The following SLC30A8 variants were observed in gnomAD, a reference collection of about 807,000 sequenced individuals.
SLC30A8 encodes the protein proton-coupled zinc antiporter SLC30A8.
A neutral mutation model predicts 36.9 loss-of-function variants in SLC30A8; 27 were observed. The observed-to-expected ratio is 0.73, with a 90% CI of 0.54 to 1.01. The LOEUF is 1.01. Among genes scored for constraint, SLC30A8 ranks in the 50% least tolerant of loss-of-function variants. The pLI, the probability that SLC30A8 is intolerant of heterozygous loss-of-function variation, is 0.00. For synonymous variants in SLC30A8, 164 were observed against 172.4 expected (o/e 0.95, Z 0.38); for missense variants, 439 against 452.0 (o/e 0.97, Z 0.26).
chr8:117,025,035 T>C (rs1816832410), intron 1 of SLC30A8, among the ~76,000 whole-genome samples: 1 of 152,222 alleles, frequency 6.6e-6, no homozygotes, highest in African/African-American at 2.4e-5. Context: ...TGTATTTTTC[T>C]ACTGAAGCCC....
chr8:117,097,461 A>T, intron 2 of SLC30A8, among the ~76,000 whole-genome samples: 1 of 118,332 alleles, frequency 8.5e-6, no homozygotes, highest in African/African-American at 3.2e-5. Context: ...TATAATATGT[A>T]TTTATTTTAA....
At chr8:117,087,464 T>C (rs1275504439) in intron 2 of SLC30A8, among the ~76,000 whole-genome samples, 7 of 152,170 alleles carry the variant, frequency 4.6e-5, no homozygotes, top group Admixed American at 2.6e-4. Context: ...ATCTTTCCTT[T>C]TTCTGTTCTG....
At position 116,977,993 on chromosome 8, in the gene SLC30A8, G is replaced by A. The variant is rs980436570; in HGVS notation, c.-266+26874G>A. Among the ~76,000 whole-genome samples the A allele has an allele frequency of 4.3e-5, 6 of 141,068 alleles. No individual in the cohort carries two copies. The South Asian group carries it at 6.2e-4, about 15-fold the overall frequency. 92.5% of individuals were successfully genotyped at this position (141,068 alleles called of 152,430 possible). A position where few individuals can be genotyped will look rare whatever the true frequency, so the allele number is the denominator to read the frequency against. On this transcript the variant is annotated intron_variant, in intron 1 of 10. Transcript: ENST00000427715. ...GCTTGCTGGGAAATGGCTAGTACCC[G>A]AAGAGCATGTTAAAGATGGCAGAGC...
At chr8:116,979,857 T>C (rs1240700301) in intron 1 of SLC30A8, among the ~76,000 whole-genome samples, 1 of 152,152 alleles carries the variant, frequency 6.6e-6, no homozygotes, top group Non-Finnish European at 1.5e-5. Context: ...ACAAATAGCA[T>C]TCTCTTGCAG....
rs1823576783 is a variant in SLC30A8 at position 117,174,598 on chromosome 8, T to A, written c.*1917T>A. The stretch of plus-strand genomic sequence containing the variant: ...TCTGAAGGACCACTGAATGGTTTTG[T>A]TTTTCCATATTTTGCATAGGACGCC... On this transcript the variant is annotated 3_prime_UTR_variant, in exon 8 of 8. Coordinates refer to ENST00000456015, the MANE Select transcript of SLC30A8 (RefSeq NM_173851.3). The A allele has an allele frequency of 6.5e-6, 1 of 152,692 alleles. No homozygotes were observed. The highest frequency in any genetic ancestry group is 1.5e-5 in the Non-Finnish European group (1 of 68,018). The allele number at this position is 152,692 out of a possible 1,614,324, so 9.5% of individuals were successfully genotyped here.
chr8:117,120,580 G>A (rs1176926312), intron 2 of SLC30A8, among the ~76,000 whole-genome samples: 1 of 151,718 alleles, frequency 6.6e-6, no homozygotes, highest in Non-Finnish European at 1.5e-5. Flanking sequence ...AAAAGCATAG[G>A]CAACATAAGC....
chr8:117,152,900 G>T, intron 2 of SLC30A8, 44 bp from the exon 3 acceptor site: 1 of 1,419,462 alleles, frequency 7.0e-7, no homozygotes, highest in Non-Finnish European at 9.4e-7. Context: ...GAATCTAGCT[G>T]CATTCTGGGA....
At chr8:117,114,044 A>C (rs1820340894) in intron 2 of SLC30A8, among the ~76,000 whole-genome samples, 1 of 152,124 alleles carries the variant, frequency 6.6e-6, no homozygotes, top group Non-Finnish European at 1.5e-5. Context: ...ATGTTGGAGA[A>C]CAGTATCACT....
intron 2 of SLC30A8, among the ~76,000 whole-genome samples, chr8:117,101,578 G>C (rs1412761721): frequency 2.0e-5 from 3 of 152,132 alleles, no homozygotes; most frequent in African/African-American, 7.2e-5. Context: ...TGGATTGAAG[G>C]GTGCAAAGTA....
At chr8:117,172,363 C>T (rs1363182973) in intron 7 of SLC30A8, among the ~76,000 whole-genome samples, 173 bp from the exon 8 acceptor site, 1 of 152,122 alleles carries the variant, frequency 6.6e-6, no homozygotes. Context: ...AGAGTTTCCC[C>T]TGCCTTGTCT....
In SLC30A8 at chr8:117,097,922, A is replaced by AT. The variant is rs1491213000; in HGVS notation, c.-225-37357dup. On this transcript the variant is annotated intron_variant, in intron 2 of 10. Coordinates refer to the SLC30A8 transcript ENST00000427715. ...ATATATAATATATAATTTTAAATAA[A>AT]TATATATATTATATATAATATATAA... 9.9e-4 allele frequency among the ~76,000 whole-genome samples: 105 copies of AT among 105,592 alleles called. 2 individuals are homozygous for AT. Among genetic ancestry groups the AT allele is most frequent in the Non-Finnish European group, 1.6e-3 (94 of 58,146 alleles). The allele number at this position is 105,592 out of a possible 152,430, so 69.3% of individuals were successfully genotyped here.
At chr8:116,973,788 A>G (rs934454444) in intron 1 of SLC30A8, among the ~76,000 whole-genome samples, 1 of 152,234 alleles carries the variant, frequency 6.6e-6, no homozygotes, top group Non-Finnish European at 1.5e-5. Flanking sequence ...ACTTCAAACT[A>G]TATTACAAGG....
At chr8:117,045,502 C>T (rs899856494) in intron 2 of SLC30A8, among the ~76,000 whole-genome samples, 1 of 152,136 alleles carries the variant, frequency 6.6e-6, no homozygotes, top group African/African-American at 2.4e-5. Context: ...AATATCATTC[C>T]AGCCCAAAGC....
At chr8:116,987,445 A>G (rs1228479694) in intron 1 of SLC30A8, among the ~76,000 whole-genome samples, 1 of 151,066 alleles carries the variant, frequency 6.6e-6, no homozygotes, top group East Asian at 1.9e-4. Context: ...TAAAATAAAA[A>G]ATGCACACGT....
chr8:116,985,868 A>T (rs1242898009), intron 1 of SLC30A8, among the ~76,000 whole-genome samples: 1 of 152,216 alleles, frequency 6.6e-6, no homozygotes, highest in African/African-American at 2.4e-5. Flanking sequence ...GTGTCGTAAG[A>T]AAGTTATCAA....
At chr8:116,963,741 A>G (rs1055671821) in intron 1 of SLC30A8, among the ~76,000 whole-genome samples, 2 of 152,172 alleles carry the variant, frequency 1.3e-5, no homozygotes, top group Non-Finnish European at 2.9e-5. Context: ...TTTTCATTTG[A>G]ACACCTGTTT....
intron 1 of SLC30A8, among the ~76,000 whole-genome samples, chr8:116,977,873 G>A (rs1027592281): frequency 8.5e-5 from 13 of 152,206 alleles, no homozygotes; most frequent in African/African-American, 2.9e-4. Context: ...CAATGAATAA[G>A]CTCAGCTTAG....
rs1045058024 is a variant in SLC30A8, at chr8:117,155,962, A to G, written c.419-1729A>G. On this transcript the variant is annotated intron_variant, in intron 3 of 7. Coordinates refer to ENST00000456015, the MANE Select transcript of SLC30A8 (RefSeq NM_173851.3). ...GCCATATTGGGCCCATCCTACTCCA[A>G]TGTGACCTCATCTTAACTAACTTAA... Among the ~76,000 whole-genome samples the G allele has an allele frequency of 1.4e-4, 21 of 152,240 alleles. No homozygotes were observed. In the South Asian group the frequency reaches 1.4e-3, roughly 11 times the overall value.
intron 2 of SLC30A8, among the ~76,000 whole-genome samples, chr8:117,105,382 C>T (rs1390300010): frequency 1.3e-5 from 2 of 152,062 alleles, no homozygotes; most frequent in East Asian, 3.8e-4. Flanking sequence ...ACAATAGCAC[C>T]CTACTTCTTG....
Sources: gnomAD v4.1 joint callset for allele counts (sites outside exome capture counted in the v4.1 genomes callset) on GRCh38, gnomAD v4.1.1 for gene constraint, MANE v1.5 for transcripts, NCBI Gene and HGNC (gene_info 2026-07-23, HGNC 2026-07-21) for gene names.